Variants in ACTN4 observed in about 807,000 individuals in gnomAD.
ACTN4 encodes alpha-actinin-4.
A neutral mutation model predicts 114.2 loss-of-function variants in ACTN4; 18 were observed. The observed-to-expected ratio is 0.16, with a 90% CI of 0.11 to 0.23. The LOEUF is 0.23. Among genes scored for constraint, ACTN4 ranks in the 10% least tolerant of loss-of-function variants. The pLI is 1.00. For missense variants in ACTN4, 722 were observed against 1,262.9 expected (o/e 0.57, Z 6.49); for synonymous variants, 515 against 506.3 (o/e 1.02, Z -0.23).
rs1976598626 is a variant in ACTN4 at position 38,652,616 on chromosome 19, G to A, written c.162+4709G>A. On this transcript the variant is annotated intron_variant, in intron 1 of 20. Coordinates refer to ENST00000252699, the MANE Select transcript of ACTN4 (RefSeq NM_004924.6). Reference sequence around the variant, plus strand: ...TGGCAGGGAGCTGACTCACCCTCCAGTTGGAACTGGTGCTAAAAGCCTCCA... The same window carrying A: ...TGGCAGGGAGCTGACTCACCCTCCAATTGGAACTGGTGCTAAAAGCCTCCA... Among the ~76,000 whole-genome samples the A allele has an allele frequency of 2.6e-5, 4 of 152,328 alleles. No individual in the cohort carries two copies. The South Asian group carries it at 8.3e-4, about 32-fold the overall frequency.
At chr19:38,650,719 C>T (rs1976536359) in intron 1 of ACTN4, among the ~76,000 whole-genome samples, 1 of 152,162 alleles carries the variant, frequency 6.6e-6, no homozygotes, top group African/African-American at 2.4e-5. Context: ...AACATCCCTG[C>T]ACTCCCAGGC....
chr19:38,698,846 C>A (rs1223154240), intron 1 of ACTN4, among the ~76,000 whole-genome samples: 1 of 152,332 alleles, frequency 6.6e-6, no homozygotes, highest in East Asian at 1.9e-4. Context: ...AATTAGGCAG[C>A]TGCTTTGTCT....
chr19:38,686,738 C>T (rs1384554898), intron 1 of ACTN4, among the ~76,000 whole-genome samples: 1 of 152,160 alleles, frequency 6.6e-6, no homozygotes, highest in East Asian at 1.9e-4. Context: ...GGCTCTTCCC[C>T]TTGGGGAGAA....
At chr19:38,687,657 G>A (rs1967790394) in intron 1 of ACTN4, among the ~76,000 whole-genome samples, 1 of 152,192 alleles carries the variant, frequency 6.6e-6, no homozygotes, top group Non-Finnish European at 1.5e-5. Flanking sequence ...ATACCTAAAT[G>A]TAAGAGCTAA....
intron 1 of ACTN4, among the ~76,000 whole-genome samples, chr19:38,671,205 C>G (rs1032396211): frequency 1.3e-5 from 2 of 152,194 alleles, no homozygotes; most frequent in African/African-American, 4.8e-5. Context: ...GACTCCTCCC[C>G]CTTTCCCATC....
chr19:38,721,444 G>A, intron 11 of ACTN4, 94 bp from the exon 12 acceptor site: 1 of 1,464,442 alleles, frequency 6.8e-7, no homozygotes, highest in Admixed American at 1.7e-5. Context: ...GGGGTCCACA[G>A]TCTCTCTTTC....
In ACTN4 at chr19:38,724,194, T is replaced by A. The variant is rs1969149673; in HGVS notation, c.1730T>A (p.Leu577Gln). Residue 577 changes from leucine to glutamine, a missense_variant, in exon 15 of 21, where the codon CTG becomes CAG. Physicochemically the swap from Leu to Gln is moderately radical, Grantham distance 113 (BLOSUM62 -2). Transcript: ENST00000252699. This position sits in a 1 kb window ranked among gnomAD's most constrained non-coding sequence, Gnocchi z 7.0. ...ISAHDQFKST[L>Q]PDADREREAI... is the part of the protein sequence containing the mutation. ...GCCCATGACCAGTTCAAGTCCACCC[T>A]GCCGGACGCCGATAGGGAGCGCGAG... is the stretch of plus-strand genomic sequence containing the variant. 1 of 1,613,740 alleles carries A rather than the reference T, an allele frequency of 6.2e-7. No homozygotes were observed. The highest frequency in any genetic ancestry group is 1.3e-5 in the African/African-American group (1 of 74,892).
chr19:38,704,613 C>T (rs921465658), intron 3 of ACTN4, among the ~76,000 whole-genome samples: 3 of 152,218 alleles, frequency 2.0e-5, no homozygotes, highest in African/African-American at 4.8e-5. Context: ...GAACAGAGGC[C>T]ACACGCCTGG....
chr19:38,710,164 AGGCCGTGGCCT>A (rs1968594730), intron 7 of ACTN4, 82 bp from the exon 8 acceptor site: 2 of 1,354,490 alleles, frequency 1.5e-6, no homozygotes, highest in Non-Finnish European at 2.1e-6. Flanking sequence ...CTCTCCCCCA[AGGCCGTGGCCT>A]TGGGAGCCCG....
At chr19:38,669,097 C>T (rs1967055252) in intron 1 of ACTN4, among the ~76,000 whole-genome samples, 1 of 152,168 alleles carries the variant, frequency 6.6e-6, no homozygotes, top group South Asian at 2.1e-4. Flanking sequence ...AGCGATTCTC[C>T]TACCTCAGCC....
In ACTN4 at chr19:38,731,033, G is replaced by A; in HGVS notation, c.*1601G>A. 1.3e-6 allele frequency: 2 copies of A among 1,555,974 alleles called. No individual in the cohort carries two copies. The highest frequency in any genetic ancestry group is 1.7e-6 in the Non-Finnish European group (2 of 1,150,312). ...TGCTGGCTGCAGTGGCCTGTGCAGA[G>A]AGGGGCAGGGTGAGTGCCCACCAGT... On this transcript the variant is annotated 3_prime_UTR_variant, in exon 21 of 21. Transcript: ENST00000252699.
Position 38,724,067 on chromosome 19 carries a change from A to G in ACTN4, c.1682A>G (p.Glu561Gly), listed in dbSNP as rs1568745157. Residue 561 changes from glutamate to glycine, a missense_variant, in exon 14 of 21, where the codon GAG becomes GGG. Around this residue, in one of 3 missense-constraint regions of ACTN4, gnomAD observed 523 missense variants for 875.9 expected, o/e 0.60. Transcript: ENST00000252699. This position sits in a 1 kb window ranked among gnomAD's most constrained non-coding sequence, Gnocchi z 7.0. ...GACATGTTCATCGTCCATACCATCG[A>G]GGAGATTGAGGTTCGCACCCCCCGG... ...LQDMFIVHTI[E>G]EIEGLISAHD... 6.2e-7 allele frequency: 1 copy of G among 1,613,640 alleles called. No individual in the cohort carries two copies. Among genetic ancestry groups the G allele is most frequent in the Non-Finnish European group, 8.5e-7 (1 of 1,179,980 alleles).
rs191987275 is a variant in ACTN4 at position 38,728,057 on chromosome 19, G to A, written c.2418+31G>A. 5.9e-4 allele frequency: 933 copies of A among 1,583,484 alleles called. 2 individuals carry two copies. The highest frequency in any genetic ancestry group is 7.6e-4 in the Non-Finnish European group (886 of 1,164,038). On this transcript the variant is annotated intron_variant, in intron 19 of 20. Transcript: ENST00000252699. ...GCACCCTGGGCCCCAGCGGACCATG[G>A]CATTAACTGCTCTCTCTCTCTCTCT...
At chr19:38,690,416 G>C (rs1967886779) in intron 1 of ACTN4, among the ~76,000 whole-genome samples, 1 of 152,232 alleles carries the variant, frequency 6.6e-6, no homozygotes, top group Non-Finnish European at 1.5e-5. Flanking sequence ...GTGCGGCTCA[G>C]TGCTCGAGTT....
intron 1 of ACTN4, among the ~76,000 whole-genome samples, chr19:38,679,066 C>T (rs958828845): frequency 3.3e-5 from 5 of 152,296 alleles, no homozygotes; most frequent in Middle Eastern, 3.4e-3. Flanking sequence ...TGGAGCAATC[C>T]AGTCTTTCTC....
chr19:38,730,944 T>C lies in ACTN4; in HGVS notation c.*1512T>C, dbSNP rs371359575. 6.4e-7 allele frequency: 1 copy of C among 1,550,464 alleles called. No homozygotes were observed. The highest frequency in any genetic ancestry group is 1.4e-5 in the African/African-American group (1 of 73,048). On this transcript the variant is annotated 3_prime_UTR_variant, in exon 21 of 21. Transcript: ENST00000252699. Reference sequence around the variant, plus strand: ...TCGCAGGACAGAGCCTGAGCCACCCTGTCCCTCCCACCTGGCTCACCTGTC... The same window carrying C: ...TCGCAGGACAGAGCCTGAGCCACCCCGTCCCTCCCACCTGGCTCACCTGTC...
intron 1 of ACTN4, among the ~76,000 whole-genome samples, chr19:38,681,596 C>T (rs1043627582): frequency 6.6e-6 from 1 of 152,208 alleles, no homozygotes; most frequent in Non-Finnish European, 1.5e-5. Context: ...CGCAATCGCG[C>T]TCTCCTTTCA....
At position 38,724,297 on chromosome 19, in the gene ACTN4, C is replaced by T; in HGVS notation, c.1833C>T (p.Tyr611=). 1.2e-6 allele frequency: 2 copies of T among 1,613,896 alleles called. No individual in the cohort carries two copies. The highest frequency in any genetic ancestry group is 8.5e-7 in the Non-Finnish European group (1 of 1,180,026). Residue 611 remains tyrosine, a synonymous_variant, in exon 15 of 21, where the codon TAC becomes TAT. Transcript: ENST00000252699. This position sits in a 1 kb window ranked among gnomAD's most constrained non-coding sequence, Gnocchi z 7.0. ...NHIKLSGSNP[Y]TTVTPQIINS... ...TCAAGCTGTCGGGCAGCAACCCCTA[C>T]ACCACCGTCACCCCGCAAATCATCA...
rs1969533874 is a variant in ACTN4, at chr19:38,730,896, G to T, written c.*1464G>T. On this transcript the variant is annotated 3_prime_UTR_variant, in exon 21 of 21. Transcript: ENST00000252699. ...TCCATCCACTAAGGAAGAGAAGGAAGACAGTGGCTTGAGGCAGGGAGCTCG... is the reference window on the plus strand; with the variant it reads ...TCCATCCACTAAGGAAGAGAAGGAATACAGTGGCTTGAGGCAGGGAGCTCG... 3 of 1,551,380 alleles carry T rather than the reference G, an allele frequency of 1.9e-6. No homozygotes were observed. Among genetic ancestry groups the T allele is most frequent in the Admixed American group, 3.9e-5 (2 of 51,014 alleles).
Sources: gnomAD v4.1 joint callset for allele counts (sites outside exome capture counted in the v4.1 genomes callset) on GRCh38, gnomAD v4.1.1 for gene constraint, gnomAD v4.1.1 regional missense constraint, Gnocchi (gnomAD v3.1) non-coding constraint, MANE v1.5 for transcripts, NCBI Gene and HGNC (gene_info 2026-07-23, HGNC 2026-07-21) for gene names.